The following PTPN12 variants were observed in gnomAD, a reference collection of about 807,000 sequenced individuals.
The protein encoded by PTPN12 is tyrosine-protein phosphatase non-receptor type 12.
Under a neutral mutation model 97.6 loss-of-function variants are expected in PTPN12, and 29 were observed. That is an observed-to-expected ratio of 0.30 (90% CI 0.22 to 0.41). PTPN12 has a LOEUF of 0.41. Among genes scored for constraint, PTPN12 ranks in the 10% least tolerant of loss-of-function variants. The pLI is 1.00. For missense variants in PTPN12, 819 were observed against 926.0 expected (o/e 0.88, Z 1.50); for synonymous variants, 327 against 300.4 (o/e 1.09, Z -0.91).
At chr7:77,625,472 G>GCTTGCGCTCTCTCTCTCTCTCTCT (rs1554326598) in intron 12 of PTPN12, among the ~76,000 whole-genome samples, 3 of 33,522 alleles carry the variant, frequency 8.9e-5, no homozygotes, top group African/African-American at 4.0e-4. Flanking sequence ...CAGGCTGCTC[G>GCTTGCGCTCTCTCTCTCTCTCTCT]CTCTCTCTCT....
intron 1 of PTPN12, among the ~76,000 whole-genome samples, chr7:77,560,421 C>A (rs1430082643): frequency 1.3e-5 from 2 of 152,084 alleles, no homozygotes; most frequent in Non-Finnish European, 2.9e-5. Flanking sequence ...ATCATCTAAG[C>A]CATTTTTAAA....
intron 17 of PTPN12, 133 bp from the exon 18 acceptor site, chr7:77,639,086 G>T: frequency 1.3e-6 from 1 of 741,674 alleles, no homozygotes; most frequent in Non-Finnish European, 2.1e-6. Flanking sequence ...ACCAAGTTTT[G>T]TTTGGCTTAA....
intron 1 of PTPN12, among the ~76,000 whole-genome samples, chr7:77,551,730 T>C (rs1304987823): frequency 6.6e-6 from 1 of 152,232 alleles, no homozygotes; most frequent in African/African-American, 2.4e-5. Flanking sequence ...TGTTTTGTTC[T>C]TGCTTCAGTT....
chr7:77,579,203 C>T (rs893003426), intron 2 of PTPN12, among the ~76,000 whole-genome samples: 11 of 152,166 alleles, frequency 7.2e-5, no homozygotes, highest in Non-Finnish European at 2.9e-5. Flanking sequence ...CTTACCACAA[C>T]CTCCGCTTCC....
chr7:77,591,934 C>T (rs568444538), intron 5 of PTPN12, among the ~76,000 whole-genome samples: 83 of 152,188 alleles, frequency 5.5e-4, no homozygotes, highest in South Asian at 1.2e-3. Context: ...CTCTGTAGAC[C>T]TGGCAGATAG....
chr7:77,574,460 G>T (rs1252654383), intron 2 of PTPN12, among the ~76,000 whole-genome samples: 4 of 152,158 alleles, frequency 2.6e-5, no homozygotes, highest in Non-Finnish European at 4.4e-5. Context: ...ATATTGTGGG[G>T]TAAGAATTTA....
chr7:77,636,986 A>G (rs1304594028), intron 15 of PTPN12, 32 bp from the exon 16 acceptor site: 2 of 1,550,080 alleles, frequency 1.3e-6, no homozygotes, highest in Admixed American at 1.7e-5. Context: ...AAATGAATGT[A>G]TTGTAATAGG....
At chr7:77,586,670 T>C (rs1787702770) in intron 5 of PTPN12, among the ~76,000 whole-genome samples, 1 of 152,246 alleles carries the variant, frequency 6.6e-6, no homozygotes, top group Non-Finnish European at 1.5e-5. Context: ...CCATGCTGTT[T>C]GATAGCAACA....
At chr7:77,538,948 C>T (rs1170334048) in intron 1 of PTPN12, 1 of 152,096 alleles carries the variant, frequency 6.6e-6, no homozygotes, top group Non-Finnish European at 1.5e-5. Context: ...AAATTTTTAT[C>T]TTGGGTAAGG....
In PTPN12 at chr7:77,638,651, A is replaced by T. The variant is rs370577842; in HGVS notation, c.2201A>T (p.Glu734Val). 7 of 1,602,986 alleles carry T rather than the reference A, an allele frequency of 4.4e-6. No homozygotes were observed. In the African/African-American group the frequency reaches 9.4e-5, roughly 22 times the overall value. Reference protein sequence around the residue: ...CDHPAGGIHYEMCIECPPTFS... With the variant: ...CDHPAGGIHYVMCIECPPTFS... ...CATCCAGCGGGAGGTATTCACTATG[A>T]AATGTGCATAGAATGTCCACCTACT... The change falls in exon 17 of 18, where the codon GAA becomes GTA. Residue 734 changes from glutamate to valine, a missense_variant. By Grantham distance (121) the Glu-to-Val change is moderately radical (BLOSUM62 -2). Coordinates refer to ENST00000248594, the MANE Select transcript of PTPN12 (RefSeq NM_002835.4).
At position 77,592,241 on chromosome 7, in the gene PTPN12, A is replaced by G. The variant is rs1584157897; in HGVS notation, c.477A>G (p.Pro159=). 6.2e-7 allele frequency: 1 copy of G among 1,608,352 alleles called. No individual in the cohort carries two copies. The highest frequency in any genetic ancestry group is 8.5e-7 in the Non-Finnish European group (1 of 1,178,426). Residue 159 remains proline, a synonymous_variant, in exon 6 of 18, where the codon CCA becomes CCG. Transcript: ENST00000248594. ...GAGAAGACCCCATAACGTTTGCACC[A>G]TTTAAAATTTCTTGTGTAAGTATCC... ...LYGEDPITFA[P]FKISCEDEQA...
chr7:77,591,150 A>G (rs1266019991), intron 5 of PTPN12, among the ~76,000 whole-genome samples: 1 of 152,220 alleles, frequency 6.6e-6, no homozygotes, highest in Non-Finnish European at 1.5e-5. Context: ...CCAACATACC[A>G]GACAGTTCTA....
intron 2 of PTPN12, among the ~76,000 whole-genome samples, chr7:77,578,816 G>C: frequency 6.6e-6 from 1 of 152,032 alleles, no homozygotes; most frequent in East Asian, 1.9e-4. Context: ...TGAATACTAG[G>C]CAATTCTACT....
At chr7:77,553,370 A>G (rs991167904) in intron 1 of PTPN12, among the ~76,000 whole-genome samples, 15 of 152,168 alleles carry the variant, frequency 9.9e-5, no homozygotes, top group African/African-American at 2.4e-4. Context: ...TGATCTGTCC[A>G]TTTCTGATAG....
At chr7:77,546,790 A>G (rs1026262473) in intron 1 of PTPN12, among the ~76,000 whole-genome samples, 4 of 152,208 alleles carry the variant, frequency 2.6e-5, no homozygotes, top group Non-Finnish European at 5.9e-5. Context: ...GTGGAAGGTG[A>G]AGGGGAAGCA....
chr7:77,602,152 T>C (rs952482052), intron 8 of PTPN12, among the ~76,000 whole-genome samples: 8 of 151,986 alleles, frequency 5.3e-5, no homozygotes, highest in Admixed American at 3.9e-4. Flanking sequence ...ATGAGATTTG[T>C]TTATTCTTGG....
At chr7:77,607,659 G>C (rs4729554) in intron 9 of PTPN12, among the ~76,000 whole-genome samples, 144,137 of 152,322 alleles carry the variant, frequency 0.95, 68,298 homozygotes, top group African/African-American at 0.99. Context: ...ATGCATTGGG[G>C]AACAATGTGA....
rs1787779676 is a variant in PTPN12, at chr7:77,588,947, A to G, written c.421-3238A>G. 2.0e-5 allele frequency among the ~76,000 whole-genome samples: 3 copies of G among 152,262 alleles called. No homozygotes were observed. In the South Asian group the frequency reaches 6.2e-4, roughly 32 times the overall value. On this transcript the variant is annotated intron_variant, in intron 5 of 17. Coordinates refer to ENST00000248594, the MANE Select transcript of PTPN12 (RefSeq NM_002835.4). ...GAGTGCAGTGGCGCGATCTCGGCTC[A>G]CTGCAACCTCCATCTCCCGGGTTCA...
chr7:77,636,966 T>C, intron 15 of PTPN12, 52 bp from the exon 16 acceptor site: 1 of 1,426,752 alleles, frequency 7.0e-7, no homozygotes, highest in Non-Finnish European at 9.7e-7. Context: ...CTTTCTATTA[T>C]TTGTATATAA....
Sources: gnomAD v4.1 joint callset for allele counts (sites outside exome capture counted in the v4.1 genomes callset) on GRCh38, gnomAD v4.1.1 for gene constraint, MANE v1.5 for transcripts, NCBI Gene and HGNC (gene_info 2026-07-23, HGNC 2026-07-21) for gene names.